The following EIF3E variants were observed in gnomAD, a reference collection of about 807,000 sequenced individuals.
EIF3E encodes eIF-3 p48.
A neutral mutation model predicts 59.3 loss-of-function variants in EIF3E; 25 were observed. That is an observed-to-expected ratio of 0.42 (90% CI 0.31 to 0.59). The LOEUF (loss-of-function observed/expected upper bound fraction) is 0.59. Among genes scored for constraint, EIF3E ranks in the 20% least tolerant of loss-of-function variants. EIF3E has a pLI of 0.15. For missense variants in EIF3E, 317 were observed against 534.3 expected, an observed-to-expected ratio of 0.59 and a Z score of 4.01; for synonymous variants, 176 against 170.2, an observed-to-expected ratio of 1.03 and a Z score of -0.26.
At chr8:108,240,138 G>T in intron 2 of EIF3E, 63 bp from the exon 3 acceptor site, 5 of 1,329,454 alleles carry the variant, frequency 3.8e-6, no homozygotes, top group Non-Finnish European at 5.4e-6. Flanking sequence ...TACTCATCAT[G>T]AGAATGTCTG....
chr8:108,217,033 C>G (rs1404933839), intron 8 of EIF3E, among the ~76,000 whole-genome samples: 1 of 152,140 alleles, frequency 6.6e-6, no homozygotes, highest in Non-Finnish European at 1.5e-5. Flanking sequence ...TGACCCCCAC[C>G]TCCAGGTTCC....
At chr8:108,213,848 C>T (rs752714031) in intron 10 of EIF3E, among the ~76,000 whole-genome samples, 13 of 152,142 alleles carry the variant, frequency 8.5e-5, no homozygotes, top group Admixed American at 6.5e-5. Flanking sequence ...ACCACTTCAA[C>T]GGACGGCCCA....
At chr8:108,211,913 T>G (rs1326072915) in intron 10 of EIF3E, among the ~76,000 whole-genome samples, 6 of 152,228 alleles carry the variant, frequency 3.9e-5, no homozygotes, top group African/African-American at 7.2e-5. Context: ...GGTTTTCATC[T>G]TTATCCTCTG....
chr8:108,207,725 C>G (rs939013191), intron 10 of EIF3E, among the ~76,000 whole-genome samples: 10 of 152,194 alleles, frequency 6.6e-5, no homozygotes, highest in African/African-American at 1.9e-4. Context: ...TGCTGCTCAA[C>G]TGACACACAC....
intron 1 of EIF3E, chr8:108,242,433 G>A (rs1815856307): frequency 2.3e-6 from 3 of 1,288,952 alleles, no homozygotes; most frequent in Non-Finnish European, 3.0e-6. Context: ...CTATAGTACA[G>A]GGAGCAAATA....
chr8:108,207,276 G>C (rs1217212382), intron 10 of EIF3E, among the ~76,000 whole-genome samples: 1 of 152,098 alleles, frequency 6.6e-6, no homozygotes, highest in African/African-American at 2.4e-5. Context: ...TTTCAGACCA[G>C]CCTGGGCAAC....
intron 7 of EIF3E, among the ~76,000 whole-genome samples, chr8:108,219,154 A>G (rs972737180): frequency 6.6e-6 from 1 of 152,200 alleles, no homozygotes; most frequent in Non-Finnish European, 1.5e-5. Context: ...TTATACATAA[A>G]TAGTTCTATA....
At chr8:108,202,370 T>C (rs556777860) in intron 12 of EIF3E, among the ~76,000 whole-genome samples, 37 of 152,132 alleles carry the variant, frequency 2.4e-4, no homozygotes, top group African/African-American at 8.9e-4. Context: ...TCTCTGCATA[T>C]CCCACAACTG....
chr8:108,240,069 C>G lies in EIF3E; in HGVS notation c.212G>C (p.Arg71Thr). 6.2e-7 allele frequency: 1 copy of G among 1,612,912 alleles called. No individual in the cohort carries two copies. Among genetic ancestry groups the G allele is most frequent in the Non-Finnish European group, 8.5e-7 (1 of 1,178,964 alleles). Residue 71 changes from arginine (R) to threonine (T), a missense_variant, in exon 3 of 13, where the codon AGA (arginine) becomes ACA (threonine). By Grantham distance (71) the Arg-to-Thr change is moderately conservative (BLOSUM62 -1). Coordinates refer to ENST00000220849, the MANE Select transcript of EIF3E (RefSeq NM_001568.3). ...LYSDDIPHALREKRTTVVAQL... is the reference protein window; with the variant it reads ...LYSDDIPHALTEKRTTVVAQL... ...TGCAACCACTGTGGTTCTTTTCTCTCTCAAAGCTAATTAAAAATGCAGAAG... is the reference window on the plus strand; with the variant it reads ...TGCAACCACTGTGGTTCTTTTCTCTGTCAAAGCTAATTAAAAATGCAGAAG...
At chr8:108,228,085 G>A in intron 7 of EIF3E, 182 bp downstream of exon 7, 1 of 573,506 alleles carries the variant, frequency 1.7e-6, no homozygotes, top group Non-Finnish European at 2.8e-6. Context: ...GGTACACTCT[G>A]TCAAATAGTT....
chr8:108,230,081 C>CAGTAGAAGA (rs1275273581), intron 5 of EIF3E, among the ~76,000 whole-genome samples: 5 of 152,210 alleles, frequency 3.3e-5, no homozygotes, highest in African/African-American at 9.6e-5. Flanking sequence ...GCAATAGAAG[C>CAGTAGAAGA]AAGTAAGGGC....
chr8:108,239,066 T>C (rs576104181), intron 3 of EIF3E, among the ~76,000 whole-genome samples: 1 of 152,308 alleles, frequency 6.6e-6, no homozygotes, highest in Non-Finnish European at 1.5e-5. Context: ...TCCTTGGGCA[T>C]GGAGCTTGGA....
chr8:108,223,633 T>G (rs774277619), intron 7 of EIF3E, among the ~76,000 whole-genome samples: 1 of 152,188 alleles, frequency 6.6e-6, no homozygotes, highest in Non-Finnish European at 1.5e-5. Context: ...GGCATTGTAT[T>G]ACAAATGGAT....
chr8:108,203,654 G>T (rs1815038766), intron 10 of EIF3E, 151 bp from the exon 11 acceptor site: 3 of 646,264 alleles, frequency 4.6e-6, no homozygotes, highest in African/African-American at 3.7e-5. Flanking sequence ...TGTCTGATTT[G>T]TTCATGTGCT....
intron 1 of EIF3E, chr8:108,242,762 A>C (rs776161838): frequency 8.8e-5 from 66 of 747,312 alleles, no homozygotes; most frequent in Non-Finnish European, 1.1e-4. Context: ...TCGCAAAAGA[A>C]GACAACCAAA....
chr8:108,245,586 T>A (rs1815933328), intron 1 of EIF3E, among the ~76,000 whole-genome samples: 1 of 152,214 alleles, frequency 6.6e-6, no homozygotes, highest in Non-Finnish European at 1.5e-5. Context: ...AACATTTTAT[T>A]CATGAGAAAA....
chr8:108,242,249 C>T (rs1266441204), intron 1 of EIF3E: 9 of 1,295,022 alleles, frequency 6.9e-6, no homozygotes, highest in Non-Finnish European at 9.1e-6. Flanking sequence ...AAACCCACGC[C>T]ATCTTTCCTG....
intron 1 of EIF3E, among the ~76,000 whole-genome samples, chr8:108,246,283 G>GT (rs1451234710): frequency 3.1e-5 from 2 of 64,696 alleles, no homozygotes; most frequent in Admixed American, 1.5e-4. Context: ...CTAAGGGGGT[G>GT]TGGGGGGGGG....
chr8:108,224,656 A>C (rs1437728357), intron 7 of EIF3E, among the ~76,000 whole-genome samples: 1 of 151,628 alleles, frequency 6.6e-6, no homozygotes, highest in Non-Finnish European at 1.5e-5. Flanking sequence ...ACTACTGAGT[A>C]GTTTTCTTTT....
Sources: allele counts gnomAD v4.1 joint callset (sites outside exome capture counted in the v4.1 genomes callset), GRCh38; gene constraint gnomAD v4.1.1; transcripts MANE v1.5; gene names NCBI Gene and HGNC (gene_info 2026-07-23, HGNC 2026-07-21).